The following B4GALT5 variants were observed in gnomAD, a reference collection of about 807,000 sequenced individuals.
B4GALT5 encodes UDP-Gal:beta-GlcNAc beta-1,4-galactosyltransferase 5.
In B4GALT5, 11 loss-of-function variants were observed where a neutral mutation model predicts 45.0. The ratio of observed to expected loss-of-function variants is 0.24; its 90% CI spans 0.15 to 0.40. The LOEUF (loss-of-function observed/expected upper bound fraction) is 0.40, where lower values mean the gene tolerates loss of function less well. B4GALT5 is among the 10% of genes least tolerant of loss of function. The probability of loss-of-function intolerance (pLI) is 1.00; values close to 1 mark genes in which losing one functional copy is unlikely to be tolerated. For synonymous variants in B4GALT5, 185 were observed against 182.9 expected (o/e 1.01, Z -0.09); for missense variants, 337 against 500.2 (o/e 0.67, Z 3.11).
intron 1 of B4GALT5, among the ~76,000 whole-genome samples, chr20:49,678,383 A>AT (rs1568727536): frequency 6.6e-6 from 1 of 152,368 alleles, no homozygotes; most frequent in East Asian, 1.9e-4. Flanking sequence ...CAGGTGAACA[A>AT]TAATTTGGCT....
chr20:49,651,117 C>T (rs577453469), intron 2 of B4GALT5, among the ~76,000 whole-genome samples: 5 of 151,950 alleles, frequency 3.3e-5, no homozygotes, highest in Admixed American at 2.0e-4. Flanking sequence ...AACTGTGTCT[C>T]TTACTAAAAA....
intron 5 of B4GALT5, 133 bp downstream of exon 5, chr20:49,642,335 C>T: frequency 1.4e-6 from 1 of 706,796 alleles, no homozygotes; most frequent in South Asian, 1.8e-5. Context: ...TCTGCTCCCC[C>T]TTCAAACCTC....
intron 1 of B4GALT5, among the ~76,000 whole-genome samples, chr20:49,710,381 GTTATT>G (rs901458893): frequency 7.0e-6 from 1 of 143,202 alleles, no homozygotes; most frequent in Non-Finnish European, 1.5e-5. Context: ...TCAACCTAAT[GTTATT>G]TTCTGTTATT....
chr20:49,705,012 A>G (rs563268058), intron 1 of B4GALT5, among the ~76,000 whole-genome samples: 169 of 152,242 alleles, frequency 1.1e-3, no homozygotes, highest in Non-Finnish European at 2.1e-3. Flanking sequence ...AAAAAAAAAG[A>G]GGAAGTAGAG....
intron 1 of B4GALT5, among the ~76,000 whole-genome samples, chr20:49,685,372 G>T (rs533098747): frequency 3.4e-4 from 52 of 152,096 alleles, no homozygotes; most frequent in African/African-American, 1.2e-3. Flanking sequence ...CCTCTACCAG[G>T]GCCCTTCAAA....
At chr20:49,709,699 G>A (rs991833440) in intron 1 of B4GALT5, among the ~76,000 whole-genome samples, 3 of 151,686 alleles carry the variant, frequency 2.0e-5, no homozygotes, top group Non-Finnish European at 4.4e-5. Flanking sequence ...AACCTGGGGG[G>A]CAGAGGTTGC....
At chr20:49,676,801 A>G (rs1206993604) in intron 1 of B4GALT5, among the ~76,000 whole-genome samples, 1 of 152,204 alleles carries the variant, frequency 6.6e-6, no homozygotes, top group Non-Finnish European at 1.5e-5. Flanking sequence ...TAAAGCAATA[A>G]TTTTCACTAT....
intron 2 of B4GALT5, among the ~76,000 whole-genome samples, chr20:49,648,683 C>A (rs997004409): frequency 6.6e-6 from 1 of 152,182 alleles, no homozygotes; most frequent in African/African-American, 2.4e-5. Flanking sequence ...CATATGTATG[C>A]CCCTTTAGAG....
chr20:49,643,739 C>T (rs1206496081), intron 3 of B4GALT5, 89 bp from the exon 4 acceptor site: 5 of 1,406,764 alleles, frequency 3.6e-6, no homozygotes, highest in East Asian at 4.9e-5. Flanking sequence ...GAGCGCAATG[C>T]TTTTTCAGCT....
At position 49,676,404 on chromosome 20, in the gene B4GALT5, G is replaced by A. The variant is rs556304599; in HGVS notation, c.116-19702C>T. Among the ~76,000 whole-genome samples the A allele has an allele frequency of 2.6e-5, 4 of 152,254 alleles. No individual in the cohort carries two copies. The East Asian group carries it at 7.7e-4, about 29-fold the overall frequency. On this transcript the variant is annotated intron_variant, in intron 1 of 8. Coordinates refer to ENST00000371711, the MANE Select transcript of B4GALT5 (RefSeq NM_004776.4). ...CTCAAGAAAATGATGCTCACAGCAGGACACTAATACTAAGTAATTTCTGAG... is the reference window on the plus strand; with the variant it reads ...CTCAAGAAAATGATGCTCACAGCAGAACACTAATACTAAGTAATTTCTGAG...
chr20:49,678,233 G>A (rs986974618), intron 1 of B4GALT5, among the ~76,000 whole-genome samples: 6 of 152,184 alleles, frequency 3.9e-5, no homozygotes, highest in African/African-American at 1.4e-4. Flanking sequence ...CTAGAGTCCT[G>A]GGCTAAACTA....
intron 4 of B4GALT5, 123 bp from the exon 5 acceptor site, chr20:49,642,707 C>T (rs1008353431): frequency 1.0e-5 from 7 of 679,228 alleles, no homozygotes; most frequent in Non-Finnish European, 1.6e-5. Flanking sequence ...ATCTTGTCCT[C>T]AGCTTTCTCT....
intron 1 of B4GALT5, among the ~76,000 whole-genome samples, chr20:49,711,294 T>G (rs1308382040): frequency 3.3e-5 from 5 of 152,200 alleles, no homozygotes; most frequent in Admixed American, 3.3e-4. Context: ...GGCATGGCAG[T>G]AGCACATCGC....
chr20:49,668,653 C>T (rs1370986189), intron 1 of B4GALT5, among the ~76,000 whole-genome samples: 1 of 152,064 alleles, frequency 6.6e-6, no homozygotes. Context: ...GTGCTAGAGG[C>T]ACAAGACCAG....
intron 1 of B4GALT5, among the ~76,000 whole-genome samples, chr20:49,699,672 G>A (rs1416197639): frequency 6.6e-6 from 1 of 152,110 alleles, no homozygotes; most frequent in Non-Finnish European, 1.5e-5. Context: ...TAAACTTGGG[G>A]ACCCCAAACC....
intron 1 of B4GALT5, among the ~76,000 whole-genome samples, chr20:49,657,949 C>T (rs573483843): frequency 4.6e-5 from 7 of 152,226 alleles, no homozygotes; most frequent in Admixed American, 3.9e-4. Flanking sequence ...AAAAACCCCA[C>T]GTGGCCAACA....
At chr20:49,685,037 A>G (rs979881655) in intron 1 of B4GALT5, among the ~76,000 whole-genome samples, 2 of 152,238 alleles carry the variant, frequency 1.3e-5, no homozygotes, top group Admixed American at 6.5e-5. Flanking sequence ...ATTTTCAACA[A>G]TATTGTTATT....
intron 6 of B4GALT5, 132 bp downstream of exon 6, chr20:49,640,346 T>C (rs2085571491): frequency 4.0e-6 from 3 of 742,464 alleles, no homozygotes; most frequent in East Asian, 2.9e-5. Flanking sequence ...TCCAATTGTA[T>C]GGATACACAC....
chr20:49,709,062 A>C (rs2146364107), intron 1 of B4GALT5, among the ~76,000 whole-genome samples: 1 of 152,300 alleles, frequency 6.6e-6, no homozygotes, highest in Non-Finnish European at 1.5e-5. Flanking sequence ...TTGCCATATG[A>C]TGGTACCATA....
Sources: gnomAD v4.1 joint callset for allele counts (sites outside exome capture counted in the v4.1 genomes callset) on GRCh38, gnomAD v4.1.1 for gene constraint, MANE v1.5 for transcripts, NCBI Gene and HGNC (gene_info 2026-07-23, HGNC 2026-07-21) for gene names.